The following ARHGAP15 variants were observed in gnomAD, a reference collection of about 807,000 sequenced individuals.
ARHGAP15 encodes rho GTPase-activating protein 15.
ARHGAP15 carries 51 observed loss-of-function variants against 63.7 expected under a neutral mutation model. The observed-to-expected ratio is 0.80, with a 90% confidence interval of 0.64 to 1.01. The LOEUF is 1.01. ARHGAP15 is among the 50% of genes least tolerant of loss of function. The pLI, the probability that ARHGAP15 is intolerant of heterozygous loss-of-function variation, is 0.00. For missense variants in ARHGAP15, 560 were observed against 564.6 expected (o/e 0.99, Z 0.08); for synonymous variants, 191 against 193.8 (o/e 0.99, Z 0.12).
chr2:143,497,304 C>T (rs1048515654), intron 9 of ARHGAP15, among the ~76,000 whole-genome samples: 9 of 152,112 alleles, frequency 5.9e-5, no homozygotes, highest in Non-Finnish European at 1.3e-4. Flanking sequence ...GGTGGTAGTT[C>T]CTCCTTGTGT....
In ARHGAP15 at chr2:143,579,341, C is replaced by T. The variant is rs991419616; in HGVS notation, c.1003+22856C>T. Among the ~76,000 whole-genome samples the T allele has an allele frequency of 2.6e-5, 4 of 152,144 alleles. No homozygotes were observed. The East Asian group carries it at 7.7e-4, about 29-fold the overall frequency. On this transcript the variant is annotated intron_variant, in intron 11 of 13. Coordinates refer to ENST00000295095, the MANE Select transcript of ARHGAP15 (RefSeq NM_018460.4). ...TTCAAACACAAGTTTGCAAGGAGAA[C>T]ACTTGTAGCTGGCTCAAAATCATAG...
chr2:143,663,868 T>C (rs978487511), intron 12 of ARHGAP15, among the ~76,000 whole-genome samples: 7 of 152,014 alleles, frequency 4.6e-5, no homozygotes, highest in African/African-American at 1.4e-4. Flanking sequence ...AGAACTAACC[T>C]AAATATATAT....
intron 13 of ARHGAP15, among the ~76,000 whole-genome samples, chr2:143,757,462 G>C (rs1358552298): frequency 2.0e-5 from 3 of 152,124 alleles, no homozygotes; most frequent in Non-Finnish European, 4.4e-5. Context: ...ATTGAGCCGA[G>C]ACAATGCGAC....
chr2:143,743,256 A>G (rs1686029474), intron 13 of ARHGAP15, among the ~76,000 whole-genome samples: 1 of 152,206 alleles, frequency 6.6e-6, no homozygotes, highest in African/African-American at 2.4e-5. Flanking sequence ...TGGGAATAAT[A>G]GTACCTGTCT....
chr2:143,288,945 C>CT (rs1682250444), intron 6 of ARHGAP15, among the ~76,000 whole-genome samples: 2 of 151,940 alleles, frequency 1.3e-5, no homozygotes, highest in Admixed American at 6.6e-5. Flanking sequence ...GCACAGAAAC[C>CT]TTTTTTTATT....
chr2:143,408,954 C>T (rs6430030), intron 6 of ARHGAP15, among the ~76,000 whole-genome samples: 92,505 of 151,640 alleles, frequency 0.61, 28,679 homozygotes, highest in Admixed American at 0.72. Flanking sequence ...AGATAATGTT[C>T]TCTTCCTTTA....
intron 6 of ARHGAP15, among the ~76,000 whole-genome samples, chr2:143,434,105 C>A (rs796652959): frequency 6.6e-5 from 10 of 152,070 alleles, no homozygotes; most frequent in African/African-American, 2.2e-4. Context: ...CTGTTTTGAG[C>A]CATCCTAAAT....
At chr2:143,627,609 G>A (rs938818) in intron 12 of ARHGAP15, among the ~76,000 whole-genome samples, 122,473 of 151,996 alleles carry the variant, frequency 0.81, 51,781 homozygotes, top group South Asian at 0.96. Context: ...AAAAATCTAT[G>A]CAGTGAGAAA....
intron 6 of ARHGAP15, among the ~76,000 whole-genome samples, chr2:143,278,238 G>T (rs563449234): frequency 2.0e-5 from 3 of 152,062 alleles, no homozygotes; most frequent in Non-Finnish European, 2.9e-5. Context: ...CAGAATGTTC[G>T]TGAAGACCTG....
At chr2:143,474,881 A>C (rs1384873196) in intron 8 of ARHGAP15, among the ~76,000 whole-genome samples, 1 of 152,234 alleles carries the variant, frequency 6.6e-6, no homozygotes, top group African/African-American at 2.4e-5. Context: ...TTAGGAAAGA[A>C]GTAAAATATT....
chr2:143,227,166 G>A (rs895001479), intron 4 of ARHGAP15, among the ~76,000 whole-genome samples: 9 of 152,242 alleles, frequency 5.9e-5, no homozygotes, highest in Admixed American at 5.9e-4. Flanking sequence ...ATCTACAAAA[G>A]AGTGCCTTCA....
At position 143,554,578 on chromosome 2, in the gene ARHGAP15, G is replaced by A. The variant is rs181491687; in HGVS notation, c.926-1830G>A. 2.5e-3 allele frequency among the ~76,000 whole-genome samples: 382 copies of A among 151,998 alleles called. 1 individual carries two copies. Among genetic ancestry groups the A allele is most frequent in the Non-Finnish European group, 2.4e-3 (161 of 67,962 alleles). ...TTTTTAATATTTTTAAATCTATCAC[G>A]TTATTTAAAATTTCATAGGTTAAAA... On this transcript the variant is annotated intron_variant, in intron 10 of 13. Transcript: ENST00000295095.
intron 13 of ARHGAP15, among the ~76,000 whole-genome samples, chr2:143,742,743 A>G (rs1285854194): frequency 6.6e-6 from 1 of 152,194 alleles, no homozygotes; most frequent in African/African-American, 2.4e-5. Flanking sequence ...GTGACAGCCA[A>G]TCAGAAAAGA....
At chr2:143,676,880 A>G (rs1036299305) in intron 12 of ARHGAP15, among the ~76,000 whole-genome samples, 5 of 144,226 alleles carry the variant, frequency 3.5e-5, no homozygotes, top group African/African-American at 1.4e-4. Flanking sequence ...CAATTTGAAA[A>G]ACAAACAAAC....
chr2:143,490,576 A>G (rs1028542944), intron 9 of ARHGAP15, among the ~76,000 whole-genome samples: 1 of 152,192 alleles, frequency 6.6e-6, no homozygotes, highest in Non-Finnish European at 1.5e-5. Context: ...CTAGACTTGG[A>G]AACAGTCCCT....
At chr2:143,622,160 C>T (rs1311938049) in intron 11 of ARHGAP15, among the ~76,000 whole-genome samples, 1 of 152,136 alleles carries the variant, frequency 6.6e-6, no homozygotes, top group African/African-American at 2.4e-5. Flanking sequence ...AAGAATGAAG[C>T]TCTTAACAAA....
rs1016544321 is a variant in ARHGAP15 at position 143,170,097 on chromosome 2, A to G, written c.165+14442A>G. ...GCCATTTGACCATCACTTTTCAGCA[A>G]ATGAGCTTCCAACACCCACCTACAT... On this transcript the variant is annotated intron_variant, in intron 2 of 13. Coordinates refer to ENST00000295095, the MANE Select transcript of ARHGAP15 (RefSeq NM_018460.4). Among the ~76,000 whole-genome samples the G allele has an allele frequency of 2.7e-5, 4 of 149,756 alleles. No homozygotes were observed. The Admixed American group carries it at 2.7e-4, about 10-fold the overall frequency.
intron 13 of ARHGAP15, among the ~76,000 whole-genome samples, chr2:143,745,286 A>G (rs1686119503): frequency 1.3e-5 from 2 of 152,234 alleles, no homozygotes; most frequent in Admixed American, 6.5e-5. Flanking sequence ...CCATGTTGAC[A>G]TAACTGAGTG....
At chr2:143,549,996 A>T (rs1429075589) in intron 10 of ARHGAP15, among the ~76,000 whole-genome samples, 1 of 152,228 alleles carries the variant, frequency 6.6e-6, no homozygotes, top group Non-Finnish European at 1.5e-5. Flanking sequence ...CCAATATTTG[A>T]TAATCCATCT....
Sources: allele counts gnomAD v4.1 joint callset (sites outside exome capture counted in the v4.1 genomes callset), GRCh38; gene constraint gnomAD v4.1.1; transcripts MANE v1.5; gene names NCBI Gene and HGNC (gene_info 2026-07-23, HGNC 2026-07-21).